Variants in MARCHF1 observed in about 807,000 individuals in gnomAD.
MARCHF1 encodes the protein E3 ubiquitin-protein ligase MARCHF1.
MARCHF1 carries 40 observed loss-of-function variants against 54.2 expected under a neutral mutation model. That is an observed-to-expected ratio of 0.74 (90% CI 0.57 to 0.96). The LOEUF is 0.96. Ranked by LOEUF, MARCHF1 falls within the 40% of genes least tolerant of loss-of-function variation. The probability of loss-of-function intolerance (pLI) is 0.00; values close to 1 mark genes in which losing one functional copy is unlikely to be tolerated. For missense variants in MARCHF1, 586 were observed against 656.5 expected, an observed-to-expected ratio of 0.89 and a Z score of 1.17; for synonymous variants, 236 against 236.3, an observed-to-expected ratio of 1.00 and a Z score of 0.01.
chr4:163,808,983 G>A lies in MARCHF1; in HGVS notation c.111+45038C>T, dbSNP rs536971366. ...TTCATACAGAGTTGGGGTTTCAAAC[G>A]CCAGCACCACCTCTACCACCTCATC... On this transcript the variant is annotated intron_variant, in intron 4 of 9. Coordinates refer to ENST00000514618, the MANE Select transcript of MARCHF1 (RefSeq NM_001394959.1). Among the ~76,000 whole-genome samples the A allele has an allele frequency of 3.5e-4, 53 of 152,152 alleles. No homozygotes were observed. The Middle Eastern group carries it at 0.01, about 29-fold the overall frequency.
At chr4:164,086,011 A>C (rs1026114203) in intron 2 of MARCHF1, among the ~76,000 whole-genome samples, 6 of 151,844 alleles carry the variant, frequency 4.0e-5, no homozygotes, top group African/African-American at 1.4e-4. Flanking sequence ...TAACATAACT[A>C]TAAAAAAGAA....
intron 2 of MARCHF1, among the ~76,000 whole-genome samples, chr4:164,017,566 A>G (rs1753569726): frequency 6.6e-6 from 1 of 151,964 alleles, no homozygotes; most frequent in Admixed American, 6.6e-5. Flanking sequence ...ACCATTTACA[A>G]TAGCATCTAA....
intron 4 of MARCHF1, among the ~76,000 whole-genome samples, chr4:163,760,061 A>G (rs1219473787): frequency 6.6e-6 from 1 of 152,226 alleles, no homozygotes. Flanking sequence ...GCTAAAATCC[A>G]GGTATCAGCA....
At chr4:163,959,766 A>G (rs918784739) in intron 3 of MARCHF1, among the ~76,000 whole-genome samples, 1 of 152,212 alleles carries the variant, frequency 6.6e-6, no homozygotes, top group East Asian at 1.9e-4. Flanking sequence ...AAAATATTTC[A>G]TAATGAAAAC....
intron 5 of MARCHF1, among the ~76,000 whole-genome samples, chr4:163,624,207 G>A (rs144872256): frequency 7.6e-4 from 115 of 152,252 alleles, no homozygotes; most frequent in African/African-American, 2.7e-3. Flanking sequence ...GTTCAGCTGA[G>A]CCAACTATCA....
At chr4:164,119,550 T>G (rs934644291) in intron 1 of MARCHF1, among the ~76,000 whole-genome samples, 3 of 151,114 alleles carry the variant, frequency 2.0e-5, no homozygotes, top group Non-Finnish European at 3.0e-5. Flanking sequence ...GGTTAAAAAT[T>G]TTAAAGATTA....
chr4:163,638,340 T>G (rs2111023559), intron 5 of MARCHF1, among the ~76,000 whole-genome samples: 1 of 152,016 alleles, frequency 6.6e-6, no homozygotes, highest in East Asian at 1.9e-4. Context: ...TCCTCATGAA[T>G]GGCTTAGTCC....
intron 5 of MARCHF1, among the ~76,000 whole-genome samples, chr4:163,675,248 GA>G (rs1320934174): frequency 6.6e-6 from 1 of 152,160 alleles, no homozygotes; most frequent in African/African-American, 2.4e-5. Context: ...TTAAAGTATT[GA>G]AAAATATCCA....
chr4:164,336,285 T>C (rs528344045), intron 1 of MARCHF1, among the ~76,000 whole-genome samples: 16 of 152,260 alleles, frequency 1.1e-4, no homozygotes, highest in Admixed American at 2.6e-4. Context: ...GTTATGGTGG[T>C]AAAGTAACAT....
chr4:164,379,916 C>A (rs1208461866), intron 1 of MARCHF1, among the ~76,000 whole-genome samples: 1 of 151,836 alleles, frequency 6.6e-6, no homozygotes, highest in Non-Finnish European at 1.5e-5. Flanking sequence ...CCACTGCATT[C>A]CACCTGGGTG....
chr4:163,980,517 G>T (rs1752740361), intron 3 of MARCHF1, among the ~76,000 whole-genome samples: 1 of 151,970 alleles, frequency 6.6e-6, no homozygotes, highest in Non-Finnish European at 1.5e-5. Context: ...ATTGACAAAT[G>T]GGATCTAATT....
chr4:163,823,638 T>G (rs140753761), intron 4 of MARCHF1, among the ~76,000 whole-genome samples: 1 of 152,034 alleles, frequency 6.6e-6, no homozygotes, highest in Admixed American at 6.6e-5. Context: ...CTTAGATTAT[T>G]AACTGAGTTG....
In MARCHF1 at chr4:163,986,249, C is replaced by CTTTTTTTTTTTTTTTTTTTTTTTTTTTTT. The variant is rs869081083; in HGVS notation, c.-39+2223_-39+2251dup. 1.1e-3 allele frequency among the ~76,000 whole-genome samples: 31 copies of CTTTTTTTTTTTTTTTTTTTTTTTTTTTTT among 28,888 alleles called. 9 individuals are homozygous for CTTTTTTTTTTTTTTTTTTTTTTTTTTTTT. Among genetic ancestry groups the CTTTTTTTTTTTTTTTTTTTTTTTTTTTTT allele is most frequent in the Non-Finnish European group, 1.9e-3 (25 of 12,994 alleles). The allele number at this position is 28,888 out of a possible 152,430, so 19.0% of individuals were successfully genotyped here. ...TTCCTTTTCTCCTAATTAACCTCTT[C>CTTTTTTTTTTTTTTTTTTTTTTTTTTTTT]TTTTTTTTTTTTTTTTTTTTTTTTT... On this transcript the variant is annotated intron_variant, in intron 3 of 9. Transcript: ENST00000514618.
intron 1 of MARCHF1, among the ~76,000 whole-genome samples, chr4:164,281,374 C>T (rs759718154): frequency 6.6e-6 from 1 of 152,124 alleles, no homozygotes; most frequent in Non-Finnish European, 1.5e-5. Context: ...ATATTAGGCA[C>T]TCTGATAGGA....
intron 4 of MARCHF1, among the ~76,000 whole-genome samples, chr4:163,760,788 T>C (rs1192896984): frequency 6.6e-6 from 1 of 152,216 alleles, no homozygotes; most frequent in Non-Finnish European, 1.5e-5. Flanking sequence ...TTTTTTAAAC[T>C]TCTCATTTAC....
At chr4:163,605,040 T>C (rs939152663) in intron 7 of MARCHF1, among the ~76,000 whole-genome samples, 5 of 152,128 alleles carry the variant, frequency 3.3e-5, no homozygotes, top group Admixed American at 3.3e-4. Flanking sequence ...TTCTAAGACA[T>C]TGTCTTGGCA....
chr4:164,314,648 G>A (rs1007745070), intron 1 of MARCHF1, among the ~76,000 whole-genome samples: 5 of 151,990 alleles, frequency 3.3e-5, no homozygotes, highest in Admixed American at 2.6e-4. Flanking sequence ...CCATATCCTG[G>A]AGAATACAAA....
intron 4 of MARCHF1, among the ~76,000 whole-genome samples, chr4:163,739,980 AT>A (rs1407112872): frequency 1.3e-5 from 2 of 152,026 alleles, no homozygotes; most frequent in African/African-American, 4.8e-5. Flanking sequence ...ACTGTGGTCT[AT>A]TTTTTTTCTT....
chr4:163,852,912 C>A (rs556134137), intron 4 of MARCHF1, among the ~76,000 whole-genome samples: 1 of 152,020 alleles, frequency 6.6e-6, no homozygotes, highest in African/African-American at 2.4e-5. Flanking sequence ...GTGGGGCCCT[C>A]ATAAATGGTA....
Sources: gnomAD v4.1 joint callset for allele counts (sites outside exome capture counted in the v4.1 genomes callset) on GRCh38, gnomAD v4.1.1 for gene constraint, MANE v1.5 for transcripts, NCBI Gene and HGNC (gene_info 2026-07-23, HGNC 2026-07-21) for gene names.